Variants in MROH1 observed in about 807,000 individuals in gnomAD.
MROH1 encodes the protein maestro heat-like repeat-containing protein family member 1.
In MROH1, 117 loss-of-function variants were observed where a neutral mutation model predicts 116.5. The observed-to-expected ratio is 1.00, with a 90% CI of 0.86 to 1.17. MROH1 has a LOEUF of 1.17. MROH1 is among the 50% of genes most tolerant of loss of function. MROH1 has a pLI of 0.00. For synonymous variants in MROH1, 921 were observed against 583.9 expected (o/e 1.58, Z -8.32); for missense variants, 1,873 against 1,338.5 (o/e 1.40, Z -6.23).
chr8:144,214,475 T>C (rs1306708895), intron 12 of MROH1: 2 of 152,072 alleles, frequency 1.3e-5, no homozygotes, highest in East Asian at 3.8e-4. Context: ...ACTTGAGGAG[T>C]GAATAAAATA....
intron 32 of MROH1, among the ~76,000 whole-genome samples, chr8:144,249,432 C>G (rs902184066): frequency 3.3e-5 from 5 of 152,244 alleles, no homozygotes; most frequent in Admixed American, 3.3e-4. Flanking sequence ...TTGTTTTCAC[C>G]CAACATGGTG....
Position 144,239,114 on chromosome 8 carries a change from TGCATCTGGC to T in MROH1, c.1530_1538del (p.His510_Ala512del). On this transcript the variant is annotated inframe_deletion, in exon 16 of 44. Transcript: ENST00000326134. The stretch of plus-strand genomic sequence containing the variant: ...CTGACTCCGCTCTGCAGGAGCCTCG[TGCATCTGGC>T]GCAGAAGAGGCAGGAGGCCGGGGCC... 9.0e-6 allele frequency: 7 copies of T among 774,856 alleles called. No homozygotes were observed. Among genetic ancestry groups the T allele is most frequent in the Non-Finnish European group, 1.7e-5 (7 of 417,708 alleles). The allele number at this position is 774,856 out of a possible 1,614,324, so 48.0% of individuals were successfully genotyped here. A position where few individuals can be genotyped will look rare whatever the true frequency, so the allele number is the denominator to read the frequency against.
chr8:144,166,162 A>G (rs1820783489), intron 3 of MROH1, among the ~76,000 whole-genome samples: 2 of 152,196 alleles, frequency 1.3e-5, no homozygotes, highest in African/African-American at 4.8e-5. Context: ...TACAGGCGTG[A>G]GCCACTGCGC....
Position 144,236,896 on chromosome 8 carries a change from C to CTTTT in MROH1, c.1339-1836_1339-1833dup, listed in dbSNP as rs1164804321. 4.8e-4 allele frequency among the ~76,000 whole-genome samples: 33 copies of CTTTT among 69,328 alleles called. 5 individuals carry two copies. Among genetic ancestry groups the CTTTT allele is most frequent in the African/African-American group, 1.8e-3 (30 of 16,960 alleles). The allele number at this position is 69,328 out of a possible 152,430, so 45.5% of individuals were successfully genotyped here. On this transcript the variant is annotated intron_variant, in intron 14 of 43. Coordinates refer to ENST00000326134, the MANE Select transcript of MROH1 (RefSeq NM_032450.3). Reference sequence around the variant, plus strand: ...TGTTGTGACAGAGCCTCTCCTATTCCTTTTTTTTTTTTTTTTTTTTTTTTT... The same window carrying CTTTT: ...TGTTGTGACAGAGCCTCTCCTATTCCTTTTTTTTTTTTTTTTTTTTTTTTTTTTT...
intron 16 of MROH1, 51 bp downstream of exon 16, chr8:144,239,230 C>A (rs1840564255): frequency 1.3e-6 from 1 of 758,172 alleles, no homozygotes; most frequent in East Asian, 2.4e-5. Flanking sequence ...CACTTCCCCA[C>A]TCCTGCCCCC....
chr8:144,238,506 T>C (rs1365313991), intron 14 of MROH1, among the ~76,000 whole-genome samples: 2 of 152,220 alleles, frequency 1.3e-5, no homozygotes, highest in Non-Finnish European at 2.9e-5. Context: ...CGAGCAGTGA[T>C]TTTTTATGGA....
chr8:144,183,542 C>T (rs116746274), intron 7 of MROH1, among the ~76,000 whole-genome samples: 1,701 of 151,836 alleles, frequency 0.011, 30 homozygotes, highest in African/African-American at 0.04. Flanking sequence ...AACCTAGGCC[C>T]ACGGAGGTCA....
chr8:144,248,967 C>G lies in MROH1; in HGVS notation c.3211C>G (p.Arg1071Gly). The change falls in exon 32 of 44, where the codon CGA (arginine) becomes GGA (glycine). Residue 1071 changes from arginine to glycine, a missense_variant. Physicochemically the swap from Arg to Gly is moderately radical, Grantham distance 125 (BLOSUM62 -2). Transcript: ENST00000326134. ...GGGAGACCCCGAAAAGAACTGCTCCCGAGCAGCTACCGTCATGATCAACTG... is the reference window on the plus strand; with the variant it reads ...GGGAGACCCCGAAAAGAACTGCTCCGGAGCAGCTACCGTCATGATCAACTG... Reference protein sequence around the residue: ...ALGDPEKNCSRAATVMINCLL... With the variant: ...ALGDPEKNCSGAATVMINCLL... 1 of 742,794 alleles carries G rather than the reference C, an allele frequency of 1.3e-6. No homozygotes were observed. Among genetic ancestry groups the G allele is most frequent in the African/African-American group, 1.7e-5 (1 of 58,108 alleles). 46.0% of individuals were successfully genotyped at this position (742,794 alleles called of 1,614,324 possible). A position where few individuals can be genotyped will look rare whatever the true frequency, so the allele number is the denominator to read the frequency against.
At chr8:144,169,045 C>A (rs1403824244) in intron 4 of MROH1, among the ~76,000 whole-genome samples, 1 of 152,230 alleles carries the variant, frequency 6.6e-6, no homozygotes, top group Non-Finnish European at 1.5e-5. Flanking sequence ...GCCCGGCTGG[C>A]TCTCACCTCC....
intron 26 of MROH1, 80 bp from the exon 27 acceptor site, chr8:144,244,142 C>G: frequency 2.8e-6 from 2 of 704,524 alleles, no homozygotes; most frequent in Non-Finnish European, 5.3e-6. Flanking sequence ...GGCTGTGCTG[C>G]CCACACAGGC....
At chr8:144,159,203 C>T (rs1439675584) in intron 1 of MROH1, among the ~76,000 whole-genome samples, 1 of 152,096 alleles carries the variant, frequency 6.6e-6, no homozygotes, top group Non-Finnish European at 1.5e-5. Context: ...ACTAAAAATA[C>T]AAAAATTAGC....
chr8:144,157,326 C>T (rs991122989), intron 1 of MROH1, among the ~76,000 whole-genome samples: 2 of 152,198 alleles, frequency 1.3e-5, no homozygotes, highest in African/African-American at 2.4e-5. Flanking sequence ...AAGTTATCCA[C>T]CCGCCTTGGC....
At chr8:144,256,107 A>C (rs1843711889) in intron 35 of MROH1, among the ~76,000 whole-genome samples, 1 of 151,988 alleles carries the variant, frequency 6.6e-6, no homozygotes, top group African/African-American at 2.4e-5. Context: ...GCCCCAGCAG[A>C]GCGGCCTTTG....
chr8:144,240,989 C>T lies in MROH1; in HGVS notation c.1936-3C>T. 1 of 754,332 alleles carries T rather than the reference C, an allele frequency of 1.3e-6. No individual in the cohort carries two copies. Among genetic ancestry groups the T allele is most frequent in the Non-Finnish European group, 2.5e-6 (1 of 405,770 alleles). The allele number at this position is 754,332 out of a possible 1,614,324, so 46.7% of individuals were successfully genotyped here. On this transcript the variant is annotated splice_region_variant and splice_polypyrimidine_tract_variant and intron_variant, in intron 20 of 43. Transcript: ENST00000326134. ...AGAGCCGTGTTCTCTGGTTTTGTTT[C>T]AGAACTTCCTGTACAAATGCATAGG...
intron 24 of MROH1, among the ~76,000 whole-genome samples, chr8:144,243,032 C>T (rs1841289938): frequency 6.6e-6 from 1 of 152,256 alleles, no homozygotes. Context: ...GGAGGCTCCA[C>T]TGGCCCCCAA....
chr8:144,191,071 C>T, intron 8 of MROH1, 136 bp downstream of exon 8: 1 of 961,500 alleles, frequency 1.0e-6, no homozygotes, highest in Non-Finnish European at 1.5e-6. Context: ...AGGTGGCTCA[C>T]CTTTATTTAT....
chr8:144,253,503 G>A (rs1215770968), intron 33 of MROH1, among the ~76,000 whole-genome samples: 3 of 152,202 alleles, frequency 2.0e-5, no homozygotes, highest in Non-Finnish European at 4.4e-5. Flanking sequence ...AGCCTCATGG[G>A]GGCCCACAGT....
intron 4 of MROH1, among the ~76,000 whole-genome samples, chr8:144,169,025 G>A (rs553912205): frequency 2.0e-5 from 3 of 152,326 alleles, no homozygotes; most frequent in African/African-American, 7.2e-5. Context: ...CGAACCCTAG[G>A]ACAGACGTGG....
At position 144,244,321 on chromosome 8, in the gene MROH1, C is replaced by T. The variant is rs62532291; in HGVS notation, c.2655C>T (p.Asp885=). 3,933 of 720,118 alleles carry T rather than the reference C, an allele frequency of 5.5e-3. 18 individuals are homozygous for T. The highest frequency in any genetic ancestry group is 0.024 in the Middle Eastern group (103 of 4,364). The allele number at this position is 720,118 out of a possible 1,614,324, so 44.6% of individuals were successfully genotyped here. ...MALLPEPKEE[D]GGCQKSLYLE... ...TGCTGCCTGAGCCCAAGGAGGAGGA[C>T]GGAGGCTGCCAGAAGGTATCCCTGT... The change falls in exon 27 of 44, where the codon GAC becomes GAT. Residue 885 remains aspartate (D), a synonymous_variant. Transcript: ENST00000326134.
Sources: allele counts gnomAD v4.1 joint callset (sites outside exome capture counted in the v4.1 genomes callset), GRCh38; gene constraint gnomAD v4.1.1; transcripts MANE v1.5; gene names NCBI Gene and HGNC (gene_info 2026-07-23, HGNC 2026-07-21).